The following MOB2 variants were observed in gnomAD, a reference collection of about 807,000 sequenced individuals.
The protein encoded by MOB2 is MOB2 Mps One Binder homolog.
Under a neutral mutation model 27.4 loss-of-function variants are expected in MOB2, and 14 were observed. The ratio of observed to expected loss-of-function variants is 0.51; its 90% CI spans 0.34 to 0.80. The LOEUF (loss-of-function observed/expected upper bound fraction) is 0.80. Among genes scored for constraint, MOB2 ranks in the 30% least tolerant of loss-of-function variants. MOB2 has a pLI of 0.01. For missense variants in MOB2, 304 were observed against 354.6 expected (o/e 0.86, Z 1.15); for synonymous variants, 167 against 151.8 (o/e 1.10, Z -0.74).
rs1000988526 is a variant in MOB2 at position 1,470,080 on chromosome 11, C to T, written c.*92G>A. 1.2e-5 allele frequency: 19 copies of T among 1,542,872 alleles called. No individual in the cohort carries two copies. Among genetic ancestry groups the T allele is most frequent in the African/African-American group, 2.7e-5 (2 of 73,190 alleles). On this transcript the variant is annotated 3_prime_UTR_variant, in exon 5 of 5. Transcript: ENST00000329957. The stretch of plus-strand genomic sequence containing the variant: ...GGGCCCTCTCAGACCTCACCACACG[C>T]GTGCCCAGCACATGTGTGCACACGC...
Position 1,469,576 on chromosome 11 carries a change from G to A in MOB2, c.*596C>T, listed in dbSNP as rs2133354867. 2.2e-6 allele frequency: 1 copy of A among 456,834 alleles called. No individual in the cohort carries two copies. Among genetic ancestry groups the A allele is most frequent in the South Asian group, 1.5e-5 (1 of 64,572 alleles). 28.3% of individuals were successfully genotyped at this position (456,834 alleles called of 1,614,324 possible). Reference sequence around the variant, plus strand: ...TCAGCCCCGTCCTGGCCTTGCCTGAGGACTGCACCATGGGTGTTCCTTGGG... The same window carrying A: ...TCAGCCCCGTCCTGGCCTTGCCTGAAGACTGCACCATGGGTGTTCCTTGGG... On this transcript the variant is annotated 3_prime_UTR_variant, in exon 5 of 5. Transcript: ENST00000329957.
chr11:1,475,914 G>C (rs1472639467), intron 3 of MOB2, among the ~76,000 whole-genome samples: 2 of 152,150 alleles, frequency 1.3e-5, no homozygotes, highest in African/African-American at 4.8e-5. Context: ...TTCATCTTTA[G>C]GTCAAGGAAG....
chr11:1,486,305 G>C (rs998414650), intron 1 of MOB2, 142 bp downstream of exon 1: 7 of 662,020 alleles, frequency 1.1e-5, no homozygotes, highest in Non-Finnish European at 1.9e-5. Flanking sequence ...AGCACAGCTC[G>C]CTGCACAGCC....
At chr11:1,482,761 G>A (rs898687154) in intron 1 of MOB2, among the ~76,000 whole-genome samples, 1 of 152,236 alleles carries the variant, frequency 6.6e-6, no homozygotes, top group Non-Finnish European at 1.5e-5. Flanking sequence ...ACGGGCACTG[G>A]CCCAAAGGTA....
At chr11:1,486,330 G>C in intron 1 of MOB2, 117 bp downstream of exon 1, 1 of 762,456 alleles carries the variant, frequency 1.3e-6, no homozygotes, top group South Asian at 1.7e-5. Context: ...GCCACACTGG[G>C]AGGGCAGCCA....
intron 1 of MOB2, among the ~76,000 whole-genome samples, chr11:1,485,845 G>T (rs1847964475): frequency 3.3e-5 from 5 of 152,218 alleles, no homozygotes; most frequent in Admixed American, 3.3e-4. Context: ...CCCGCAGCAG[G>T]TCAGAGAAAG....
chr11:1,485,365 C>A (rs1007179718), intron 1 of MOB2, among the ~76,000 whole-genome samples: 2 of 152,222 alleles, frequency 1.3e-5, no homozygotes, highest in Non-Finnish European at 2.9e-5. Context: ...TTTGAACTCA[C>A]GAGTACTGCC....
intron 3 of MOB2, among the ~76,000 whole-genome samples, chr11:1,474,884 CT>C (rs993803456): frequency 6.6e-6 from 1 of 152,250 alleles, no homozygotes; most frequent in African/African-American, 2.4e-5. Flanking sequence ...TGAGATTCCT[CT>C]TATTTTTTCA....
intron 1 of MOB2, among the ~76,000 whole-genome samples, chr11:1,482,757 A>C (rs1001679732): frequency 6.6e-6 from 1 of 152,208 alleles, no homozygotes; most frequent in Admixed American, 6.5e-5. Context: ...GTGGACGGGC[A>C]CTGGCCCAAA....
chr11:1,485,727 G>A (rs776754695), intron 1 of MOB2, among the ~76,000 whole-genome samples: 18 of 151,942 alleles, frequency 1.2e-4, no homozygotes, highest in Non-Finnish European at 2.1e-4. Flanking sequence ...GCCCACACAC[G>A]GGTGCACACT....
Position 1,470,334 on chromosome 11 carries a change from G to C in MOB2, c.645C>G (p.Leu215=). The C allele has an allele frequency of 6.2e-7, 1 of 1,613,584 alleles. No individual in the cohort carries two copies. The highest frequency in any genetic ancestry group is 1.1e-5 in the South Asian group (1 of 91,088). The change falls in exon 5 of 5, where the codon CTC becomes CTG. Residue 215 remains leucine, a synonymous_variant. Transcript: ENST00000329957. ...CCAGCAGGTTGAACTCCCGAGCAAA[G>C]AGGATGAAGTGGACGTAGAGCGTGT... is the stretch of plus-strand genomic sequence containing the variant. The part of the protein sequence containing the change: ...HLNTLYVHFI[L]FAREFNLLDP...
At chr11:1,479,651 G>C (rs915442102) in intron 3 of MOB2, among the ~76,000 whole-genome samples, 1 of 152,214 alleles carries the variant, frequency 6.6e-6, no homozygotes, top group African/African-American at 2.4e-5. Context: ...CCAGGGCCAG[G>C]AAAGCCATGT....
chr11:1,485,609 C>A (rs1323288070), intron 1 of MOB2, among the ~76,000 whole-genome samples: 1 of 152,164 alleles, frequency 6.6e-6, no homozygotes, highest in Non-Finnish European at 1.5e-5. Flanking sequence ...TTGGAGGGCA[C>A]GTCCAGCAGG....
intron 3 of MOB2, among the ~76,000 whole-genome samples, chr11:1,477,041 T>C (rs920423837): frequency 6.6e-6 from 1 of 152,176 alleles, no homozygotes; most frequent in African/African-American, 2.4e-5. Flanking sequence ...AAAAGATGGG[T>C]GTTCTGCTGT....
chr11:1,471,309 A>G lies in MOB2; in HGVS notation c.476T>C (p.Phe159Ser). The change falls in exon 4 of 5, where the codon TTC (phenylalanine) becomes TCC (serine). Residue 159 changes from phenylalanine to serine, a missense_variant. Coordinates refer to ENST00000329957, the MANE Select transcript of MOB2 (RefSeq NM_001172223.3). ...GGGAGACGAACCGTATTTTGTGGGG[A>G]ACACGTCCTCATCCGTCACCAGCTT... ...VQKLVTDEDV[F>S]PTKYGREFPS... 6.2e-7 allele frequency: 1 copy of G among 1,613,030 alleles called. No individual in the cohort carries two copies. Among genetic ancestry groups the G allele is most frequent in the Non-Finnish European group, 8.5e-7 (1 of 1,179,614 alleles).
At chr11:1,477,912 G>A (rs954491523) in intron 3 of MOB2, among the ~76,000 whole-genome samples, 1 of 152,206 alleles carries the variant, frequency 6.6e-6, no homozygotes, top group Admixed American at 6.5e-5. Context: ...ACTATTTGCT[G>A]TTTGTTGCCT....
Position 1,470,477 on chromosome 11 carries a change from G to A in MOB2, c.502C>T (p.Pro168Ser), listed in dbSNP as rs1847773591. 1 of 1,611,192 alleles carries A rather than the reference G, an allele frequency of 6.2e-7. No individual in the cohort carries two copies. The highest frequency in any genetic ancestry group is 1.7e-5 in the Admixed American group (1 of 59,970). Residue 168 changes from proline (P) to serine (S), a missense_variant, in exon 5 of 5, where the codon CCC (proline) becomes TCC (serine). Physicochemically the swap from Pro to Ser is moderately conservative, Grantham distance 74 (BLOSUM62 -1). Transcript: ENST00000329957. ...CTCACCAGGGACTCAAAGGAGCTGGGGAATTCTCTGCCTGGGGAAGGCCAC... is the reference window on the plus strand; with the variant it reads ...CTCACCAGGGACTCAAAGGAGCTGGAGAATTCTCTGCCTGGGGAAGGCCAC... ...VFPTKYGREFPSSFESLVRKI... is the reference protein window; with the variant it reads ...VFPTKYGREFSSSFESLVRKI...
At position 1,471,301 on chromosome 11, in the gene MOB2, T is replaced by C. The variant is rs771982118; in HGVS notation, c.484A>G (p.Lys162Glu). 1.9e-5 allele frequency: 30 copies of C among 1,612,574 alleles called. No homozygotes were observed. The highest frequency in any genetic ancestry group is 1.7e-6 in the Non-Finnish European group (2 of 1,179,486). Residue 162 changes from lysine (K) to glutamate (E), a missense_variant, in exon 4 of 5, where the codon AAA becomes GAA. Transcript: ENST00000329957. ...AGTGCTGGGGGAGACGAACCGTATT[T>C]TGTGGGGAACACGTCCTCATCCGTC... ...LVTDEDVFPT[K>E]YGREFPSSFE...
At chr11:1,481,090 G>A (rs558328688) in intron 1 of MOB2, 154 of 693,782 alleles carry the variant, frequency 2.2e-4, no homozygotes, top group Non-Finnish European at 3.4e-4. Flanking sequence ...GCTGCCTTGC[G>A]TGGCACCTCC....
Sources: gnomAD v4.1 joint callset for allele counts (sites outside exome capture counted in the v4.1 genomes callset) on GRCh38, gnomAD v4.1.1 for gene constraint, MANE v1.5 for transcripts, NCBI Gene and HGNC (gene_info 2026-07-23, HGNC 2026-07-21) for gene names.